PTPN3: variants seen among roughly 807,000 people sequenced by gnomAD.
PTPN3 encodes the protein tyrosine-protein phosphatase non-receptor type 3.
A neutral mutation model predicts 132.7 loss-of-function variants in PTPN3; 96 were observed. The observed-to-expected ratio is 0.72, with a 90% CI of 0.61 to 0.86. The LOEUF (loss-of-function observed/expected upper bound fraction) is 0.86. Ranked by LOEUF, PTPN3 falls within the 40% of genes least tolerant of loss-of-function variation. The pLI, the probability that PTPN3 is intolerant of heterozygous loss-of-function variation, is 0.00. For missense variants in PTPN3, 1,125 were observed against 1,159.6 expected, an observed-to-expected ratio of 0.97 and a Z score of 0.43; for synonymous variants, 398 against 429.0, an observed-to-expected ratio of 0.93 and a Z score of 0.89.
chr9:109,427,264 T>G (rs971888601), intron 11 of PTPN3, 142 bp from the exon 12 acceptor site: 17 of 827,942 alleles, frequency 2.1e-5, no homozygotes, highest in Middle Eastern at 3.5e-4. Flanking sequence ...CACAAACCAG[T>G]GTACCGGAAT....
At chr9:109,470,242 A>G (rs1460386821) in intron 1 of PTPN3, among the ~76,000 whole-genome samples, 2 of 152,192 alleles carry the variant, frequency 1.3e-5, no homozygotes, top group Non-Finnish European at 1.5e-5. Context: ...ATATAGTACC[A>G]GCGTTGTTCT....
intron 1 of PTPN3, among the ~76,000 whole-genome samples, chr9:109,486,514 T>TG (rs1224395576): frequency 2.6e-5 from 4 of 151,988 alleles, no homozygotes; most frequent in African/African-American, 9.7e-5. Flanking sequence ...GGGCAGGTTA[T>TG]GGGGGACAAG....
intron 19 of PTPN3, among the ~76,000 whole-genome samples, chr9:109,397,956 T>A (rs550470514): frequency 1.3e-5 from 2 of 152,156 alleles, no homozygotes; most frequent in Non-Finnish European, 2.9e-5. Flanking sequence ...AACAACAAAC[T>A]ATTTGGAAAA....
At chr9:109,397,376 G>A (rs149344034) in intron 19 of PTPN3, among the ~76,000 whole-genome samples, 1 of 152,328 alleles carries the variant, frequency 6.6e-6, no homozygotes, top group Non-Finnish European at 1.5e-5. Context: ...TGCCAACCAT[G>A]TGAATAAAGC....
At chr9:109,409,867 A>C in intron 16 of PTPN3, 132 bp downstream of exon 16, 2 of 1,407,414 alleles carry the variant, frequency 1.4e-6, no homozygotes, top group East Asian at 2.5e-5. Flanking sequence ...AAAAACCCCC[A>C]ACTCTCAATT....
chr9:109,451,117 C>A lies in PTPN3; in HGVS notation c.369-2262G>T, dbSNP rs992396930. 57 of 970,308 alleles carry A rather than the reference C, an allele frequency of 5.9e-5. No homozygotes were observed. The South Asian group carries it at 2.3e-3, about 39-fold the overall frequency. 60.1% of individuals were successfully genotyped at this position (970,308 alleles called of 1,614,324 possible). A position where few individuals can be genotyped will look rare whatever the true frequency, so the allele number is the denominator to read the frequency against. On this transcript the variant is annotated intron_variant, in intron 5 of 25. Transcript: ENST00000374541. Reference sequence around the variant, plus strand: ...AAGATAAGATGATCTGGCAGCTAGTCGTGGTGGTATGTGCCTATAATCCCA... The same window carrying A: ...AAGATAAGATGATCTGGCAGCTAGTAGTGGTGGTATGTGCCTATAATCCCA...
At position 109,410,412 on chromosome 9, in the gene PTPN3, A is replaced by C. The variant is rs1188401986; in HGVS notation, c.1317T>G (p.Ser439Arg). The C allele has an allele frequency of 6.2e-7, 1 of 1,612,868 alleles. No individual in the cohort carries two copies. The stretch of plus-strand genomic sequence containing the variant: ...TTTGTGCCGGATTGTTCTCGGATAA[A>C]CTCCTTCATCATGGGGAAGGAGGAG... ...VSQNRSPHQESLSENNPAQSY... is the reference protein window; with the variant it reads ...VSQNRSPHQERLSENNPAQSY... The change falls in exon 15 of 26, where the codon AGT (serine) becomes AGG (arginine). Residue 439 changes from serine (S) to arginine (R), a missense_variant. Physicochemically the swap from Ser to Arg is moderately radical, Grantham distance 110. Coordinates refer to ENST00000374541, the MANE Select transcript of PTPN3 (RefSeq NM_002829.4).
intron 1 of PTPN3, among the ~76,000 whole-genome samples, chr9:109,470,946 G>C (rs559979159): frequency 5.5e-4 from 83 of 152,250 alleles, no homozygotes; most frequent in African/African-American, 2.0e-3. Context: ...CCAGGAAACT[G>C]CATTGTAAAA....
chr9:109,449,979 T>G, intron 5 of PTPN3: 1 of 984,436 alleles, frequency 1.0e-6, no homozygotes, highest in Non-Finnish European at 1.2e-6. Flanking sequence ...CTCTGTAAGG[T>G]AGGTACCACT....
the PTPN3 span, among the ~76,000 whole-genome samples, chr9:109,506,949 TC>T: frequency 3.3e-5 from 5 of 152,210 alleles, no homozygotes; most frequent in Admixed American, 6.5e-5. Flanking sequence ...ATAAAAACAT[TC>T]TCATTTGGAA....
the PTPN3 span, among the ~76,000 whole-genome samples, chr9:109,529,937 G>A: frequency 3.3e-5 from 5 of 151,784 alleles, no homozygotes; most frequent in African/African-American, 7.3e-5. Context: ...TTGTAGAGAC[G>A]GGCATCTCAC....
chr9:109,414,589 T>C (rs1486300166), intron 14 of PTPN3, among the ~76,000 whole-genome samples: 1 of 152,236 alleles, frequency 6.6e-6, no homozygotes, highest in African/African-American at 2.4e-5. Flanking sequence ...CATCTGGGGC[T>C]GTAATAAATG....
At chr9:109,458,234 C>T (rs1845665455) in intron 2 of PTPN3, among the ~76,000 whole-genome samples, 1 of 152,186 alleles carries the variant, frequency 6.6e-6, no homozygotes, top group African/African-American at 2.4e-5. Context: ...GTAGAGGAAG[C>T]AACCCCCTGA....
chr9:109,524,199 G>A, the PTPN3 span, among the ~76,000 whole-genome samples: 4 of 152,140 alleles, frequency 2.6e-5, no homozygotes, highest in East Asian at 1.9e-4. Context: ...AGCTATGATC[G>A]TATCACTGCA....
At position 109,404,583 on chromosome 9, in the gene PTPN3, C is replaced by T; in HGVS notation, c.1818G>A (p.Lys606=). ...RRAVRSFADF[K]SEDELNQLFP... ...AAAGCTGGTTCAGTTCATCTTCAGA[C>T]TTGAAGTCAGCAAATGAGCGGACAG... Residue 606 remains lysine, a synonymous_variant, in exon 19 of 26, where the codon AAG becomes AAA. Transcript: ENST00000374541. The T allele has an allele frequency of 6.5e-7, 1 of 1,549,318 alleles. No individual in the cohort carries two copies. The highest frequency in any genetic ancestry group is 8.8e-7 in the Non-Finnish European group (1 of 1,137,154).
chr9:109,438,095 C>T lies in PTPN3; in HGVS notation c.587+19G>A. ...ACCCAACCCAAGTCCCCAAAGTAGGCCACCCCAGCCCCCCTCACCTGTGCT... is the reference window on the plus strand; with the variant it reads ...ACCCAACCCAAGTCCCCAAAGTAGGTCACCCCAGCCCCCCTCACCTGTGCT... On this transcript the variant is annotated intron_variant, in intron 8 of 25. Transcript: ENST00000374541. 6.2e-7 allele frequency: 1 copy of T among 1,603,002 alleles called. No homozygotes were observed. Among genetic ancestry groups the T allele is most frequent in the Non-Finnish European group, 8.5e-7 (1 of 1,176,012 alleles).
chr9:109,451,833 A>G (rs537282897), intron 5 of PTPN3, among the ~76,000 whole-genome samples: 38 of 152,354 alleles, frequency 2.5e-4, no homozygotes, highest in South Asian at 1.0e-3. Flanking sequence ...AGTGGATGCC[A>G]CAAACCTGGG....
At chr9:109,407,194 G>A (rs1353242344) in intron 17 of PTPN3, among the ~76,000 whole-genome samples, 1 of 152,194 alleles carries the variant, frequency 6.6e-6, no homozygotes, top group African/African-American at 2.4e-5. Context: ...GAGGCACAGT[G>A]ACTCCTACTG....
chr9:109,462,095 C>T (rs964529814), intron 2 of PTPN3, among the ~76,000 whole-genome samples: 5 of 152,168 alleles, frequency 3.3e-5, no homozygotes, highest in African/African-American at 1.2e-4. Context: ...CCTGGGTGCT[C>T]GTGGAAGAGT....
Sources: gnomAD v4.1 joint callset for allele counts (sites outside exome capture counted in the v4.1 genomes callset) on GRCh38, gnomAD v4.1.1 for gene constraint, MANE v1.5 for transcripts, NCBI Gene and HGNC (gene_info 2026-07-23, HGNC 2026-07-21) for gene names.